Variants in GARNL3 observed in about 807,000 individuals in gnomAD.
The protein encoded by GARNL3 is GTPase activating Rap/RanGAP domain like 3, also known as GTPase-activating Rap/Ran-GAP domain-like protein 3.
In GARNL3, 63 loss-of-function variants were observed where a neutral mutation model predicts 125.0. That is an observed-to-expected ratio of 0.50 (90% CI 0.41 to 0.62). The LOEUF (loss-of-function observed/expected upper bound fraction) is 0.62, where lower values mean the gene tolerates loss of function less well. Ranked by LOEUF, GARNL3 falls within the 20% of genes least tolerant of loss-of-function variation. GARNL3 has a pLI of 0.00. For missense variants in GARNL3, 994 were observed against 1,244.0 expected (o/e 0.80, Z 3.02); for synonymous variants, 439 against 457.5 (o/e 0.96, Z 0.52).
At chr9:127,335,709 A>G (rs1400436223) in intron 10 of GARNL3, among the ~76,000 whole-genome samples, 2 of 152,030 alleles carry the variant, frequency 1.3e-5, no homozygotes, top group Admixed American at 6.6e-5. Context: ...ACTATTTTGT[A>G]TAGGTGTTAC....
intron 2 of GARNL3, among the ~76,000 whole-genome samples, chr9:127,304,530 C>CTTTTTTTTTTT (rs61493807): frequency 3.0e-5 from 3 of 99,220 alleles, no homozygotes; most frequent in East Asian, 3.2e-4. Context: ...TGGCTTTATT[C>CTTTTTTTTTTT]TTTTTTTTTT....
chr9:127,283,686 A>G (rs184883454), intron 1 of GARNL3, among the ~76,000 whole-genome samples: 1 of 152,082 alleles, frequency 6.6e-6, no homozygotes, highest in Non-Finnish European at 1.5e-5. Flanking sequence ...TAAAAAATAA[A>G]ATTTAATTTA....
At chr9:127,365,219 A>G (rs928381865) in intron 21 of GARNL3, 81 bp from the exon 22 acceptor site, 11 of 1,246,716 alleles carry the variant, frequency 8.8e-6, no homozygotes, top group African/African-American at 1.5e-5. Flanking sequence ...CTCGGCCTCC[A>G]CAAATGCTCA....
At chr9:127,301,181 T>TC (rs1483685319) in intron 2 of GARNL3, among the ~76,000 whole-genome samples, 2 of 152,326 alleles carry the variant, frequency 1.3e-5, no homozygotes, top group East Asian at 1.9e-4. Flanking sequence ...TTATTGCTGT[T>TC]CCTTGGACAC....
chr9:127,270,883 C>CTCGATCTCGG (rs1431540119), intron 1 of GARNL3, among the ~76,000 whole-genome samples: 1 of 151,098 alleles, frequency 6.6e-6, no homozygotes, highest in African/African-American at 2.5e-5. Context: ...GCTCTGTTGG[C>CTCGATCTCGG]CACCGTGGTC....
In GARNL3 at chr9:127,285,341, C is replaced by A. The variant is rs190203879; in HGVS notation, c.145-5827C>A. Among the ~76,000 whole-genome samples, 31 of 152,186 alleles carry A rather than the reference C, an allele frequency of 2.0e-4. No individual in the cohort carries two copies. In the East Asian group the frequency reaches 5.6e-3, roughly 27 times the overall value. ...AGGAGACTGAGGCAGGAGAATCGCT[C>A]GAACTCGGGAGGCAGAGGTTGCAGT... On this transcript the variant is annotated intron_variant, in intron 1 of 27. Coordinates refer to ENST00000373387, the MANE Select transcript of GARNL3 (RefSeq NM_032293.5).
chr9:127,362,822 G>A (rs1831084893), intron 21 of GARNL3: 1 of 152,216 alleles, frequency 6.6e-6, no homozygotes, highest in Non-Finnish European at 1.5e-5. Flanking sequence ...TCCAGGCCCT[G>A]TGCTAGGTGC....
chr9:127,262,418 A>C (rs2063612708), upstream of GARNL3, among the ~76,000 whole-genome samples: 2 of 152,164 alleles, frequency 1.3e-5, 1 homozygote, highest in East Asian at 3.9e-4. Context: ...CTCTCTGTCC[A>C]GCTGGCCAAA....
rs117444793 is a variant in GARNL3, at chr9:127,291,114, C to G, written c.145-54C>G. The stretch of plus-strand genomic sequence containing the variant: ...GGCTTACTTATAGGATAATTACATA[C>G]AGATAGAAGAGACATTGTAAATGCT... On this transcript the variant is annotated intron_variant, in intron 1 of 27. Coordinates refer to ENST00000373387, the MANE Select transcript of GARNL3 (RefSeq NM_032293.5). 8,331 of 1,547,480 alleles carry G rather than the reference C, an allele frequency of 5.4e-3. 33 individuals are homozygous for G. The highest frequency in any genetic ancestry group is 0.014 in the South Asian group (1,249 of 89,374).
chr9:127,387,356 A>C, intron 25 of GARNL3, 25 bp downstream of exon 25: 1 of 1,592,450 alleles, frequency 6.3e-7, no homozygotes, highest in Non-Finnish European at 8.6e-7. Flanking sequence ...TTACTGTTTT[A>C]TTAATATTTG....
rs141823590 is a variant in GARNL3, at chr9:127,342,283, G to A, written c.1200G>A (p.Leu400=). Residue 400 remains leucine, a synonymous_variant, in exon 14 of 28, where the codon CTG becomes CTA. Transcript: ENST00000373387. ...PTFAQKRRRT[L]DMLIRSLHQD... is the part of the protein sequence containing the mutation. ...TTGCCCAGAAACGTCGGCGTACCCT[G>A]GATATGTTGATTAGATCTTTACACC... The A allele has an allele frequency of 6.2e-7, 1 of 1,614,026 alleles. No individual in the cohort carries two copies. Among genetic ancestry groups the A allele is most frequent in the East Asian group, 2.2e-5 (1 of 44,866 alleles).
At chr9:127,393,039 G>A in intron 27 of GARNL3, 44 bp from the exon 28 acceptor site, 1 of 1,505,054 alleles carries the variant, frequency 6.6e-7, no homozygotes. Context: ...GCCCAGTTCT[G>A]TGGTACTCCC....
chr9:127,333,228 G>T, intron 9 of GARNL3, 107 bp downstream of exon 9: 1 of 831,068 alleles, frequency 1.2e-6, no homozygotes, highest in Non-Finnish European at 2.0e-6. Flanking sequence ...ATGGATGAGA[G>T]AAGACTGGAG....
chr9:127,263,732 A>G, upstream of GARNL3: 2 of 1,195,460 alleles, frequency 1.7e-6, no homozygotes, highest in Non-Finnish European at 2.1e-6. Flanking sequence ...TGTGTTGCCC[A>G]TTTTCAGCTA....
At chr9:127,327,596 G>A (rs1027614508) in intron 7 of GARNL3, among the ~76,000 whole-genome samples, 3 of 152,184 alleles carry the variant, frequency 2.0e-5, no homozygotes, top group East Asian at 1.9e-4. Context: ...AGAGGGTCTC[G>A]CTATATTGCC....
At chr9:127,332,452 T>C in intron 8 of GARNL3, 103 bp downstream of exon 8, 1 of 843,574 alleles carries the variant, frequency 1.2e-6, no homozygotes, top group African/African-American at 1.7e-5. Flanking sequence ...GAGTCTTTAA[T>C]ACGAGGAGAT....
intron 2 of GARNL3, among the ~76,000 whole-genome samples, chr9:127,254,225 G>A (rs2063455910): frequency 6.6e-6 from 1 of 152,014 alleles, no homozygotes; most frequent in Non-Finnish European, 1.5e-5. Context: ...TACTGATTTA[G>A]ATGAAAAAAA....
rs760145401 is a variant in GARNL3 at position 127,385,139 on chromosome 9, C to T, written c.2382C>T (p.Ala794=). Residue 794 remains alanine (A), a synonymous_variant, in exon 24 of 28, where the codon GCC becomes GCT. Coordinates refer to ENST00000373387, the MANE Select transcript of GARNL3 (RefSeq NM_032293.5). The surrounding 1 kb of genome is among the most constrained non-coding windows in gnomAD (Gnocchi z 4.1). Reference sequence around the variant, plus strand: ...TCGTGCCGCAGCTGCAGCTGGTGGCCTCCAGGGTGAGTAGGACTGGGATTT... The same window carrying T: ...TCGTGCCGCAGCTGCAGCTGGTGGCTTCCAGGGTGAGTAGGACTGGGATTT... The part of the protein sequence containing the change: ...TAVVPQLQLV[A]SRSDIYFTAT... 3 of 1,598,436 alleles carry T rather than the reference C, an allele frequency of 1.9e-6. No homozygotes were observed. Among genetic ancestry groups the T allele is most frequent in the Non-Finnish European group, 2.6e-6 (3 of 1,169,856 alleles).
chr9:127,245,311 G>C (rs1050950474), intron 2 of GARNL3: 1 of 152,342 alleles, frequency 6.6e-6, no homozygotes, highest in African/African-American at 2.4e-5. Context: ...TGGTGAATCC[G>C]ATTAGGGGTG....
Sources: gnomAD v4.1 joint callset for allele counts (sites outside exome capture counted in the v4.1 genomes callset) on GRCh38, gnomAD v4.1.1 for gene constraint, Gnocchi (gnomAD v3.1) non-coding constraint, MANE v1.5 for transcripts, NCBI Gene and HGNC (gene_info 2026-07-23, HGNC 2026-07-21) for gene names.